ANPEP: variants seen among roughly 807,000 people sequenced by gnomAD.
The protein encoded by ANPEP is aminopeptidase N.
A neutral mutation model predicts 114.6 loss-of-function variants in ANPEP; 70 were observed. The observed-to-expected ratio is 0.61, with a 90% CI of 0.50 to 0.75. The LOEUF is 0.75. Among genes scored for constraint, ANPEP ranks in the 30% least tolerant of loss-of-function variants. The pLI is 0.00. For synonymous variants in ANPEP, 548 were observed against 522.3 expected (o/e 1.05, Z -0.67); for missense variants, 1,184 against 1,259.5 (o/e 0.94, Z 0.91).
At chr15:89,813,992 G>T (rs796211476) in intron 1 of ANPEP, among the ~76,000 whole-genome samples, 18 of 83,032 alleles carry the variant, frequency 2.2e-4, no homozygotes, top group African/African-American at 1.8e-3. Context: ...CCGCACTGCT[G>T]GGGGGGGGGG....
intron 20 of ANPEP, among the ~76,000 whole-genome samples, chr15:89,788,377 CT>C (rs1407882839): frequency 2.0e-5 from 3 of 152,144 alleles, no homozygotes; most frequent in Non-Finnish European, 2.9e-5. Context: ...CACAAAAAGG[CT>C]GTGTGTATAT....
intron 15 of ANPEP, 95 bp downstream of exon 15, chr15:89,797,480 G>A: frequency 6.9e-7 from 1 of 1,448,280 alleles, no homozygotes; most frequent in African/African-American, 1.5e-5. Flanking sequence ...TCCCTGACCA[G>A]GAGTCCAGTA....
At chr15:89,808,821 G>A (rs980806220) in intron 1 of ANPEP, among the ~76,000 whole-genome samples, 1 of 152,220 alleles carries the variant, frequency 6.6e-6, no homozygotes, top group Non-Finnish European at 1.5e-5. Context: ...AATGCAATGT[G>A]TGAACTGAAG....
In ANPEP at chr15:89,785,445, G is replaced by A. The variant is rs1596157956; in HGVS notation, c.2808C>T (p.Ala936=). 1 of 1,614,096 alleles carries A rather than the reference G, an allele frequency of 6.2e-7. No homozygotes were observed. Among genetic ancestry groups the A allele is most frequent in the Non-Finnish European group, 8.5e-7 (1 of 1,179,976 alleles). Residue 936 remains alanine (A), a synonymous_variant, in exon 21 of 21, where the codon GCC becomes GCT. Transcript: ENST00000300060. ...EETGFGSGTR[A]LEQALEKTKA... is the part of the protein sequence containing the mutation. ...TCGTCTTCTCCAGGGCTTGCTCCAGGGCCCGGGTGCCTGAGCCGAAGCCTG... is the reference window on the plus strand; with the variant it reads ...TCGTCTTCTCCAGGGCTTGCTCCAGAGCCCGGGTGCCTGAGCCGAAGCCTG...
chr15:89,786,571 T>C (rs1191800350), intron 20 of ANPEP, among the ~76,000 whole-genome samples: 1 of 152,024 alleles, frequency 6.6e-6, no homozygotes, highest in African/African-American at 2.4e-5. Flanking sequence ...CATGTGCCTA[T>C]AGTCCCAACT....
rs1304715797 is a variant in ANPEP at position 89,801,713 on chromosome 15, T to TG, written c.1570-107dup. 6 of 1,319,846 alleles carry TG rather than the reference T, an allele frequency of 4.5e-6. No individual in the cohort carries two copies. In the East Asian group the frequency reaches 1.5e-4, roughly 33 times the overall value. 81.8% of individuals were successfully genotyped at this position (1,319,846 alleles called of 1,614,324 possible). A position where few individuals can be genotyped will look rare whatever the true frequency, so the allele number is the denominator to read the frequency against. On this transcript the variant is annotated intron_variant, in intron 10 of 20. Transcript: ENST00000300060. ...CCTCGACCCCGGGGGGCCACTTGTA[T>TG]GGGAGGCCTGGGAAGGGCACTGGGC...
At chr15:89,801,350 C>A in intron 11 of ANPEP, 85 bp downstream of exon 11, 1 of 1,564,330 alleles carries the variant, frequency 6.4e-7, no homozygotes, top group Admixed American at 1.7e-5. Flanking sequence ...GCTGGGACCA[C>A]AGGAGGCCAG....
chr15:89,792,559 G>A lies in ANPEP; in HGVS notation c.2253C>T (p.Tyr751=). 1 of 1,613,900 alleles carries A rather than the reference G, an allele frequency of 6.2e-7. No homozygotes were observed. The highest frequency in any genetic ancestry group is 8.5e-7 in the Non-Finnish European group (1 of 1,179,782). The change falls in exon 17 of 21, where the codon TAC becomes TAT. Residue 751 remains tyrosine (Y), a synonymous_variant. Coordinates refer to ENST00000300060, the MANE Select transcript of ANPEP (RefSeq NM_001150.3). ...REIPENLMDQ[Y]SEVNAISTAC... ...CGGTGCTGATGGCATTAACCTCGCT[G>A]TACCTGCCCCAGGGGTGACACGCGG...
chr15:89,804,439 T>C (rs769574015), intron 5 of ANPEP, 32 bp from the exon 6 acceptor site: 1 of 1,614,044 alleles, frequency 6.2e-7, no homozygotes, highest in Non-Finnish European at 8.5e-7. Context: ...CAGGATGAAC[T>C]CCGGGAGTGG....
intron 10 of ANPEP, among the ~76,000 whole-genome samples, chr15:89,802,067 T>C (rs1411561029): frequency 3.9e-5 from 6 of 152,294 alleles, no homozygotes; most frequent in Non-Finnish European, 8.8e-5. Context: ...GTTGTTGTCT[T>C]CTTGTCTTCT....
At position 89,801,596 on chromosome 15, in the gene ANPEP, G is replaced by A; in HGVS notation, c.1581C>T (p.Asn527=). 1 of 1,613,868 alleles carries A rather than the reference G, an allele frequency of 6.2e-7. No homozygotes were observed. Among genetic ancestry groups the A allele is most frequent in the Non-Finnish European group, 8.5e-7 (1 of 1,179,826 alleles). ...CGGTGGTGGGGAGTTGGATGGACCG[G>A]TTGTTCACAGCCTGTGGGTGGAGCG... is the stretch of plus-strand genomic sequence containing the variant. ...LWDHLQEAVN[N]RSIQLPTTVR... The change falls in exon 11 of 21, where the codon AAC becomes AAT. Residue 527 remains asparagine (N), a synonymous_variant. Coordinates refer to ENST00000300060, the MANE Select transcript of ANPEP (RefSeq NM_001150.3).
intron 15 of ANPEP, among the ~76,000 whole-genome samples, chr15:89,796,703 G>A (rs757910399): frequency 5.8e-4 from 88 of 151,666 alleles, no homozygotes; most frequent in Non-Finnish European, 1.2e-3. Context: ...CACCGTGTTA[G>A]CCAGGATGGT....
intron 4 of ANPEP, 101 bp downstream of exon 4, chr15:89,804,977 T>C: frequency 6.5e-7 from 1 of 1,537,924 alleles, no homozygotes; most frequent in Admixed American, 1.7e-5. Flanking sequence ...ATTCCAACCC[T>C]GGCCTAACAA....
In ANPEP at chr15:89,799,306, CAG is replaced by C; in HGVS notation, c.1961_1962del (p.Pro654ArgfsTer9). On this transcript the variant is annotated frameshift_variant, in exon 14 of 21. Transcript: ENST00000300060. LOFTEE classifies it high-confidence loss of function. This position sits in a 1 kb window ranked among gnomAD's most constrained non-coding sequence, Gnocchi z 4.2. ...TTAATGATCTGTGCCCGATTGATGA[CAG>C]GGATGGCCTAGAATGCGAAGCACAG... The part of the protein sequence containing the change: ...TQLQRDHSAI[P>X]VINRAQIIND... The C allele has an allele frequency of 1.2e-6, 2 of 1,614,206 alleles. No individual in the cohort carries two copies. Among genetic ancestry groups the C allele is most frequent in the Non-Finnish European group, 1.7e-6 (2 of 1,180,042 alleles).
chr15:89,801,640 TG>T, intron 10 of ANPEP, 33 bp from the exon 11 acceptor site: 1 of 1,605,906 alleles, frequency 6.2e-7, no homozygotes, highest in Non-Finnish European at 8.5e-7. Context: ...TGGCCATCAG[TG>T]GGACCCTCCA....
chr15:89,813,587 T>C lies in ANPEP; in HGVS notation c.-224+1185A>G, dbSNP rs1894853216. ...AGGGCCTCATGGGCCCAGCACACCC[T>C]CCCACAGGGAGAGGGGAGTCCACCC... On this transcript the variant is annotated intron_variant, in intron 1 of 20. Coordinates refer to ENST00000300060, the MANE Select transcript of ANPEP (RefSeq NM_001150.3). Among the ~76,000 whole-genome samples the C allele has an allele frequency of 2.0e-5, 3 of 152,000 alleles. No individual in the cohort carries two copies. The South Asian group carries it at 6.2e-4, about 32-fold the overall frequency.
At chr15:89,810,544 C>G (rs921912424) in intron 1 of ANPEP, among the ~76,000 whole-genome samples, 2 of 151,486 alleles carry the variant, frequency 1.3e-5, no homozygotes, top group East Asian at 3.9e-4. Context: ...ACACTCCAGT[C>G]TGGACGACAA....
chr15:89,795,647 A>G lies in ANPEP; in HGVS notation c.2157+1928T>C, dbSNP rs570649662. 2.6e-4 allele frequency among the ~76,000 whole-genome samples: 39 copies of G among 152,354 alleles called. 1 individual carries two copies. The highest frequency in any genetic ancestry group is 3.4e-3 in the Middle Eastern group (1 of 294). On this transcript the variant is annotated intron_variant, in intron 15 of 20. Transcript: ENST00000300060. ...AGCAAGACCTTAAACATTCAGAGAA[A>G]TAATTTCCCACCTTGAAACTTCTAA...
chr15:89,795,087 A>C lies in ANPEP; in HGVS notation c.2158-1961T>G, dbSNP rs575036914. 5.2e-5 allele frequency among the ~76,000 whole-genome samples: 6 copies of C among 116,180 alleles called. No homozygotes were observed. The South Asian group carries it at 1.7e-3, about 34-fold the overall frequency. 76.2% of individuals were successfully genotyped at this position (116,180 alleles called of 152,430 possible). Reference sequence around the variant, plus strand: ...CACAAAACTCAAGAGGAAACGAGTCAATGGAAAAAAAAAAAAAAAGGAAAA... The same window carrying C: ...CACAAAACTCAAGAGGAAACGAGTCCATGGAAAAAAAAAAAAAAAGGAAAA... On this transcript the variant is annotated intron_variant, in intron 15 of 20. Transcript: ENST00000300060.
Sources: gnomAD v4.1 joint callset for allele counts (sites outside exome capture counted in the v4.1 genomes callset) on GRCh38, gnomAD v4.1.1 for gene constraint, Gnocchi (gnomAD v3.1) non-coding constraint, MANE v1.5 for transcripts, NCBI Gene and HGNC (gene_info 2026-07-23, HGNC 2026-07-21) for gene names.